Variants in BMP4 observed in about 807,000 individuals in gnomAD.
BMP4 encodes bone morphogenetic protein 2B.
BMP4 carries 3 observed loss-of-function variants against 29.6 expected under a neutral mutation model. The ratio of observed to expected loss-of-function variants is 0.10; its 90% CI spans 0.05 to 0.26. The LOEUF (loss-of-function observed/expected upper bound fraction) is 0.26, where lower values mean the gene tolerates loss of function less well. Ranked by LOEUF, BMP4 falls within the 10% of genes least tolerant of loss-of-function variation. BMP4 has a pLI of 1.00. For synonymous variants in BMP4, 197 were observed against 213.2 expected (o/e 0.92, Z 0.66); for missense variants, 455 against 550.2 (o/e 0.83, Z 1.73).
intron 1 of BMP4, among the ~76,000 whole-genome samples, chr14:53,956,312 C>A (rs949558371): frequency 4.6e-5 from 7 of 152,210 alleles, no homozygotes; most frequent in African/African-American, 1.7e-4. Context: ...TGCTCTCCTG[C>A]CCCGCACTTC....
intron 3 of BMP4, 158 bp downstream of exon 3, chr14:53,951,695 C>G (rs572551373): frequency 8.3e-7 from 1 of 1,201,786 alleles, no homozygotes; most frequent in South Asian, 1.5e-5. Flanking sequence ...ATAAGTTCGG[C>G]GGCAGCTCTG....
chr14:53,950,553 T>G lies in BMP4; in HGVS notation c.706A>C (p.Ile236Leu), dbSNP rs746179366. Residue 236 changes from isoleucine (I) to leucine (L), a missense_variant, in exon 4 of 4, where the codon ATT becomes CTT. Ile to Leu is a conservative substitution (Grantham distance 5). This residue lies in a region of BMP4 where 154 missense variants were observed against 156.8 expected (regional missense o/e 0.98). Transcript: ENST00000245451. This position sits in a 1 kb window ranked among gnomAD's most constrained non-coding sequence, Gnocchi z 5.4. ...REKQPNYGLA[I>L]EVTHLHQTRT... ...GTCTGATGGAGGTGAGTCACCTCAA[T>G]GGCTAGCCCATAGTTTGGCTGCTTC... is the stretch of plus-strand genomic sequence containing the variant. The G allele has an allele frequency of 5.0e-6, 8 of 1,614,218 alleles. No homozygotes were observed. Among genetic ancestry groups the G allele is most frequent in the Non-Finnish European group, 6.8e-6 (8 of 1,180,036 alleles).
rs968281415 is a variant in BMP4 at position 53,955,057 on chromosome 14, G to T, written c.-133+1493C>A. On this transcript the variant is annotated intron_variant, in intron 1 of 3. Coordinates refer to ENST00000245451, the MANE Select transcript of BMP4 (RefSeq NM_001202.6). The surrounding 1 kb of genome is among the most constrained non-coding windows in gnomAD (Gnocchi z 4.0). ...GCGGAGGCCGCGGGCGCCCCTGCGC[G>T]ACCGTCCGCGCCCGGCAAGAGCCGC... is the stretch of plus-strand genomic sequence containing the variant. Among the ~76,000 whole-genome samples the T allele has an allele frequency of 6.6e-6, 1 of 152,196 alleles. No homozygotes were observed. The highest frequency in any genetic ancestry group is 2.4e-5 in the African/African-American group (1 of 41,462).
At chr14:53,953,248 G>A (rs1385953602) in intron 2 of BMP4, 28 bp downstream of exon 2, 1 of 397,290 alleles carries the variant, frequency 2.5e-6, no homozygotes, top group African/African-American at 2.1e-5. Context: ...GAATTCCGGG[G>A]AGGGGGAAGG....
In BMP4 at chr14:53,956,535, G is replaced by A; in HGVS notation, c.-133+15C>T. On this transcript the variant is annotated intron_variant, in intron 1 of 3. Coordinates refer to ENST00000245451, the MANE Select transcript of BMP4 (RefSeq NM_001202.6). ...CCCCTCTGCCTGTCTCCCCTCACCA[G>A]GTAGCCTTGCTCACCATAGGTCCCT... 2.5e-6 allele frequency: 1 copy of A among 399,548 alleles called. No homozygotes were observed. The highest frequency in any genetic ancestry group is 4.4e-5 in the Admixed American group (1 of 22,744). The allele number at this position is 399,548 out of a possible 1,614,324, so 24.8% of individuals were successfully genotyped here.
Position 53,952,215 on chromosome 14 carries a change from G to A in BMP4, c.8C>T (p.Pro3Leu), listed in dbSNP as rs774777993. 6.2e-7 allele frequency: 1 copy of A among 1,613,978 alleles called. No individual in the cohort carries two copies. Among genetic ancestry groups the A allele is most frequent in the African/African-American group, 1.3e-5 (1 of 74,892 alleles). Residue 3 changes from proline to leucine, a missense_variant, in exon 3 of 4, where the codon CCT becomes CTT. Physicochemically the swap from Pro to Leu is moderately conservative, Grantham distance 98. Around this residue, in one of 4 missense-constraint regions of BMP4, gnomAD observed 249 missense variants for 284.6 expected, o/e 0.87. Transcript: ENST00000245451. MIPGNRMLMVVLL... is the reference protein window; with the variant it reads MILGNRMLMVVLL... Reference sequence around the variant, plus strand: ...AACGACCATCAGCATTCGGTTACCAGGAATCATGGTGTCTCTGGGGAGGGG... The same window carrying A: ...AACGACCATCAGCATTCGGTTACCAAGAATCATGGTGTCTCTGGGGAGGGG...
rs1895634620 is a variant in BMP4, at chr14:53,954,600, A to G, written c.-132-1200T>C. 1 of 151,716 alleles carries G rather than the reference A, an allele frequency of 6.6e-6. No individual in the cohort carries two copies. Among genetic ancestry groups the G allele is most frequent in the Non-Finnish European group, 1.5e-5 (1 of 67,998 alleles). The allele number at this position is 151,716 out of a possible 1,614,324, so 9.4% of individuals were successfully genotyped here. ...ACCAGCAGCAGAGTCGCACGCAGCA[A>G]ATACTCCTTCAAGAATTTTACCTAC... is the stretch of plus-strand genomic sequence containing the variant. On this transcript the variant is annotated intron_variant, in intron 1 of 3. Transcript: ENST00000245451. The surrounding 1 kb of genome is among the most constrained non-coding windows in gnomAD (Gnocchi z 4.8).
rs760697228 is a variant in BMP4, at chr14:53,952,246, G to A, written c.-7-17C>T. 1.2e-6 allele frequency: 2 copies of A among 1,612,628 alleles called. No homozygotes were observed. ...ATGGTGTCTCTGGGGAGGGGGAGGG[G>A]AGTGGAAGGTTAAAGAATAAATAAA... On this transcript the variant is annotated splice_polypyrimidine_tract_variant and intron_variant, in intron 2 of 3. Coordinates refer to ENST00000245451, the MANE Select transcript of BMP4 (RefSeq NM_001202.6).
intron 2 of BMP4, 27 bp downstream of exon 2, chr14:53,953,249 A>AG: frequency 1.0e-5 from 4 of 396,980 alleles, no homozygotes; most frequent in Non-Finnish European, 1.8e-5. Flanking sequence ...AATTCCGGGG[A>AG]GGGGGAAGGA....
intron 2 of BMP4, among the ~76,000 whole-genome samples, chr14:53,953,027 A>G (rs909784987): frequency 1.3e-5 from 2 of 152,082 alleles, no homozygotes; most frequent in Non-Finnish European, 2.9e-5. Context: ...CCGGGCTTTC[A>G]TCTCTTTAGC....
In BMP4 at chr14:53,952,393, C is replaced by G. The variant is rs545046115; in HGVS notation, c.-7-164G>C. Among the ~76,000 whole-genome samples the G allele has an allele frequency of 1.4e-3, 211 of 151,338 alleles. 3 individuals carry two copies. The highest frequency in any genetic ancestry group is 4.9e-3 in the African/African-American group (203 of 41,300). On this transcript the variant is annotated intron_variant, in intron 2 of 3. Coordinates refer to ENST00000245451, the MANE Select transcript of BMP4 (RefSeq NM_001202.6). Reference sequence around the variant, plus strand: ...TGTGTCTTCTCCCTCACACCACCCGCCCACCCACCAGCTGCAGCCATGCAC... The same window carrying G: ...TGTGTCTTCTCCCTCACACCACCCGGCCACCCACCAGCTGCAGCCATGCAC...
chr14:53,950,479 T>C lies in BMP4; in HGVS notation c.780A>G (p.Gln260=). The change falls in exon 4 of 4, where the codon CAA becomes CAG. Residue 260 remains glutamine, a synonymous_variant. Coordinates refer to ENST00000245451, the MANE Select transcript of BMP4 (RefSeq NM_001202.6). This position sits in a 1 kb window ranked among gnomAD's most constrained non-coding sequence, Gnocchi z 5.4. The part of the protein sequence containing the change: ...QHVRISRSLP[Q]GSGNWAQLRP... ...GGAGCTGGGCCCAATTCCCACTCCCTTGAGGTAACGATCGGCTAATCCTGA... is the reference window on the plus strand; with the variant it reads ...GGAGCTGGGCCCAATTCCCACTCCCCTGAGGTAACGATCGGCTAATCCTGA... 1.9e-6 allele frequency: 3 copies of C among 1,614,134 alleles called. No individual in the cohort carries two copies. Among genetic ancestry groups the C allele is most frequent in the Non-Finnish European group, 1.7e-6 (2 of 1,180,050 alleles).
chr14:53,950,087 T>C lies in BMP4; in HGVS notation c.1172A>G (p.Lys391Arg), dbSNP rs755080929. 1 of 1,614,186 alleles carries C rather than the reference T, an allele frequency of 6.2e-7. No homozygotes were observed. The highest frequency in any genetic ancestry group is 1.1e-5 in the South Asian group (1 of 91,080). ...CTCCTGATAATTTTTCAGTACCACC[T>C]TATCATACTCATCCAGGTACAGCAT... ...ISMLYLDEYD[K>R]VVLKNYQEMV... The change falls in exon 4 of 4, where the codon AAG (lysine) becomes AGG (arginine). Residue 391 changes from lysine (K) to arginine (R), a missense_variant. Transcript: ENST00000245451. The surrounding 1 kb of genome is among the most constrained non-coding windows in gnomAD (Gnocchi z 5.4).
At chr14:53,951,579 T>A in intron 3 of BMP4, 5 of 386,634 alleles carry the variant, frequency 1.3e-5, no homozygotes, top group East Asian at 8.9e-5. Flanking sequence ...GCAGAAAACC[T>A]AGCAGAAAAG....
Position 53,950,866 on chromosome 14 carries a change from C to G in BMP4, c.393G>C (p.Gly131=). ...HHEEHLENIP[G]TSENSAFRFL... ...AACGAAAAGCAGAGTTTTCACTGGT[C>G]CCTGGGATGTTCTCCAGATGTTCTA... Residue 131 remains glycine, a synonymous_variant, in exon 4 of 4, where the codon GGG becomes GGC. Transcript: ENST00000245451. This position sits in a 1 kb window ranked among gnomAD's most constrained non-coding sequence, Gnocchi z 5.4. 1.2e-6 allele frequency: 2 copies of G among 1,603,924 alleles called. No individual in the cohort carries two copies. The highest frequency in any genetic ancestry group is 1.7e-6 in the Non-Finnish European group (2 of 1,179,970).
chr14:53,950,583 G>C lies in BMP4; in HGVS notation c.676C>G (p.Arg226Gly), dbSNP rs140590144. The change falls in exon 4 of 4, where the codon CGG (arginine) becomes GGG (glycine). Residue 226 changes from arginine to glycine, a missense_variant. Physicochemically the swap from Arg to Gly is moderately radical, Grantham distance 125. Transcript: ENST00000245451. The surrounding 1 kb of genome is among the most constrained non-coding windows in gnomAD (Gnocchi z 5.4). ...AGCCCATAGTTTGGCTGCTTCTCCCGGGTCCAGCGAAGGACCGCAGGGCTC... is the reference window on the plus strand; with the variant it reads ...AGCCCATAGTTTGGCTGCTTCTCCCCGGTCCAGCGAAGGACCGCAGGGCTC... The part of the protein sequence containing the change: ...DVSPAVLRWT[R>G]EKQPNYGLAI... 5 of 1,614,122 alleles carry C rather than the reference G, an allele frequency of 3.1e-6. No homozygotes were observed. Among genetic ancestry groups the C allele is most frequent in the Non-Finnish European group, 4.2e-6 (5 of 1,180,048 alleles).
chr14:53,952,047 G>A lies in BMP4; in HGVS notation c.176C>T (p.Ala59Val), dbSNP rs1297365466. The A allele has an allele frequency of 1.9e-6, 3 of 1,614,140 alleles. No homozygotes were observed. Among genetic ancestry groups the A allele is most frequent in the South Asian group, 1.1e-5 (1 of 91,088 alleles). Reference protein sequence around the residue: ...QSHELLRDFEATLLQMFGLRR... With the variant: ...QSHELLRDFEVTLLQMFGLRR... ...CAGCCCAAACATCTGCAGAAGTGTC[G>A]CCTCGAAGTCCCGCAGGAGCTCATG... Residue 59 changes from alanine (A) to valine (V), a missense_variant, in exon 3 of 4, where the codon GCG becomes GTG. Ala to Val is a moderately conservative substitution (Grantham distance 64). Around this residue, in one of 4 missense-constraint regions of BMP4, gnomAD observed 249 missense variants for 284.6 expected, o/e 0.87. Transcript: ENST00000245451.
At position 53,950,763 on chromosome 14, in the gene BMP4, C is replaced by T. The variant is rs372637689; in HGVS notation, c.496G>A (p.Asp166Asn). 5.0e-6 allele frequency: 8 copies of T among 1,613,732 alleles called. No homozygotes were observed. Among genetic ancestry groups the T allele is most frequent in the African/African-American group, 1.3e-5 (1 of 74,924 alleles). The change falls in exon 4 of 4, where the codon GAC becomes AAC. Residue 166 changes from aspartate to asparagine, a missense_variant. Around this residue, in one of 4 missense-constraint regions of BMP4, gnomAD observed 249 missense variants for 284.6 expected, o/e 0.87. Transcript: ENST00000245451. This position sits in a 1 kb window ranked among gnomAD's most constrained non-coding sequence, Gnocchi z 5.4. ...CCCCTTTCCCAATCAGGGCCCTGGT[C>T]CACCTGCTCCCGGAAGAGCCGAAGC... is the stretch of plus-strand genomic sequence containing the variant. Reference protein sequence around the residue: ...AELRLFREQVDQGPDWERGFH... With the variant: ...AELRLFREQVNQGPDWERGFH...
intron 3 of BMP4, chr14:53,951,450 C>T (rs1187329410): frequency 1.4e-5 from 3 of 211,330 alleles, no homozygotes; most frequent in African/African-American, 7.0e-5. Flanking sequence ...CTCAGATTTA[C>T]TTTGGAAAAG....
Sources: gnomAD v4.1 joint callset for allele counts (sites outside exome capture counted in the v4.1 genomes callset) on GRCh38, gnomAD v4.1.1 for gene constraint, gnomAD v4.1.1 regional missense constraint, Gnocchi (gnomAD v3.1) non-coding constraint, MANE v1.5 for transcripts, NCBI Gene and HGNC (gene_info 2026-07-23, HGNC 2026-07-21) for gene names.